Variants in BMAL1 observed in about 807,000 individuals in gnomAD.
BMAL1 encodes the protein basic helix-loop-helix ARNT like 1, also known as basic helix-loop-helix ARNT-like protein 1.
the BMAL1 span, among the ~76,000 whole-genome samples, chr11:13,291,081 A>T: frequency 6.6e-6 from 1 of 152,210 alleles, no homozygotes; most frequent in Non-Finnish European, 1.5e-5. Context: ...TAAAGACAAC[A>T]AAAGAAATTT....
At chr11:13,291,094 G>A in the BMAL1 span, among the ~76,000 whole-genome samples, 2 of 152,208 alleles carry the variant, frequency 1.3e-5, no homozygotes, top group Middle Eastern at 3.2e-3. Flanking sequence ...AGAAATTTCT[G>A]TAGGTCAGTT....
At chr11:13,318,026 G>C in the BMAL1 span, among the ~76,000 whole-genome samples, 1 of 152,208 alleles carries the variant, frequency 6.6e-6, no homozygotes, top group Non-Finnish European at 1.5e-5. Flanking sequence ...CAAAGGTCTA[G>C]TGGGCCTGGG....
chr11:13,302,801 G>T, the BMAL1 span, among the ~76,000 whole-genome samples: 1 of 152,186 alleles, frequency 6.6e-6, no homozygotes, highest in Non-Finnish European at 1.5e-5. Context: ...AGGTTCCTCT[G>T]ATTGTTGGCA....
At chr11:13,334,952 T>C in the BMAL1 span, among the ~76,000 whole-genome samples, 1 of 152,208 alleles carries the variant, frequency 6.6e-6, no homozygotes, top group Non-Finnish European at 1.5e-5. Flanking sequence ...CATCTTTCTC[T>C]TTGTGAGTTG....
chr11:13,371,070 T>G, the BMAL1 span, among the ~76,000 whole-genome samples: 5 of 152,238 alleles, frequency 3.3e-5, no homozygotes, highest in African/African-American at 1.2e-4. Context: ...ATTTGTGCGA[T>G]TATTTGTTTA....
At chr11:13,317,956 C>T in the BMAL1 span, among the ~76,000 whole-genome samples, 62 of 152,330 alleles carry the variant, frequency 4.1e-4, no homozygotes, top group African/African-American at 1.4e-3. Flanking sequence ...TAGTGGCCAA[C>T]ATTTAAAAAT....
chr11:13,376,693 C>G, the BMAL1 span: 3 of 1,614,076 alleles, frequency 1.9e-6, no homozygotes, highest in Non-Finnish European at 2.5e-6. Context: ...ACAGCATCCC[C>G]CCACAGCATG....
At chr11:13,368,909 A>G in the BMAL1 span, among the ~76,000 whole-genome samples, 1 of 152,276 alleles carries the variant, frequency 6.6e-6, no homozygotes. Flanking sequence ...TGTAATAATT[A>G]TAAACAACTA....
chr11:13,337,207 A>T, the BMAL1 span, among the ~76,000 whole-genome samples: 1 of 152,202 alleles, frequency 6.6e-6, no homozygotes, highest in Non-Finnish European at 1.5e-5. Context: ...GAAAATTGAG[A>T]AATTATAACG....
chr11:13,321,748 T>C, the BMAL1 span, among the ~76,000 whole-genome samples: 2 of 152,196 alleles, frequency 1.3e-5, no homozygotes, highest in East Asian at 3.9e-4. Context: ...CAACTTTTAT[T>C]TCTAAGGTAC....
chr11:13,283,166 G>T, the BMAL1 span, among the ~76,000 whole-genome samples: 1 of 152,190 alleles, frequency 6.6e-6, no homozygotes, highest in South Asian at 2.1e-4. Flanking sequence ...TATCTAGCCT[G>T]GTTAAAGAAG....
the BMAL1 span, chr11:13,350,127 G>C: frequency 2.0e-5 from 3 of 152,312 alleles, no homozygotes; most frequent in African/African-American, 4.8e-5. Flanking sequence ...TTGGTAGCTT[G>C]CATGGCAGTT....
chr11:13,337,410 A>G, the BMAL1 span, among the ~76,000 whole-genome samples: 9 of 152,192 alleles, frequency 5.9e-5, no homozygotes. Flanking sequence ...AATTTATTAA[A>G]TGTATATCTA....
the BMAL1 span, among the ~76,000 whole-genome samples, chr11:13,287,868 A>T: frequency 1.3e-5 from 2 of 152,246 alleles, no homozygotes; most frequent in East Asian, 3.8e-4. Context: ...TATTCAGTCA[A>T]CAAATATCTG....
chr11:13,328,280 G>T, the BMAL1 span, among the ~76,000 whole-genome samples: 1 of 152,142 alleles, frequency 6.6e-6, no homozygotes, highest in Admixed American at 6.5e-5. Context: ...CTCAATTCAG[G>T]TAAGTGTAAA....
At chr11:13,292,473 G>A in the BMAL1 span, among the ~76,000 whole-genome samples, 1 of 152,038 alleles carries the variant, frequency 6.6e-6, no homozygotes, top group Non-Finnish European at 1.5e-5. Context: ...CGTGAACCTG[G>A]GGGGCGGAGC....
the BMAL1 span, among the ~76,000 whole-genome samples, chr11:13,281,149 A>C: frequency 6.6e-6 from 1 of 152,130 alleles, no homozygotes; most frequent in Non-Finnish European, 1.5e-5. Context: ...CCCGGGTCCT[A>C]TCACTAGAAT....
At chr11:13,284,126 G>GTA in the BMAL1 span, among the ~76,000 whole-genome samples, 73 of 98,588 alleles carry the variant, frequency 7.4e-4, 8 homozygotes, top group Middle Eastern at 5.4e-3. Flanking sequence ...ATATGTGTGT[G>GTA]TGTATATATA....
At chr11:13,365,236 TAC>T in the BMAL1 span, among the ~76,000 whole-genome samples, 1 of 151,476 alleles carries the variant, frequency 6.6e-6, no homozygotes, top group Non-Finnish European at 1.5e-5. Context: ...AAATATAACT[TAC>T]TTTAATTGGA....
Sources: allele counts gnomAD v4.1 joint callset (sites outside exome capture counted in the v4.1 genomes callset), GRCh38; gene constraint gnomAD v4.1.1; transcripts MANE v1.5; gene names NCBI Gene and HGNC (gene_info 2026-07-23, HGNC 2026-07-21).